Variants in CYP2C19 observed in about 807,000 individuals in gnomAD.
CYP2C19 encodes cytochrome P450 family 2 subfamily C member 19, also known as cytochrome P450 2C19.
CYP2C19 carries 59 observed loss-of-function variants against 40.9 expected under a neutral mutation model. The ratio of observed to expected loss-of-function variants is 1.44; its 90% CI spans 1.17 to 1.79. The LOEUF (loss-of-function observed/expected upper bound fraction) is 1.79, where lower values mean the gene tolerates loss of function less well. Among genes scored for constraint, CYP2C19 ranks in the 40% most tolerant of loss-of-function variants. The pLI is 0.00. For missense variants in CYP2C19, 754 were observed against 596.9 expected, an observed-to-expected ratio of 1.26 and a Z score of -2.74; for synonymous variants, 253 against 208.7, an observed-to-expected ratio of 1.21 and a Z score of -1.83.
chr10:94,816,712 A>C (rs925331449), intron 5 of CYP2C19, among the ~76,000 whole-genome samples: 2 of 140,112 alleles, frequency 1.4e-5, no homozygotes, highest in African/African-American at 2.6e-5. Flanking sequence ...ATATCTCCCA[A>C]TGCTATCCCT....
intron 6 of CYP2C19, among the ~76,000 whole-genome samples, chr10:94,829,418 C>T (rs1307118154): frequency 1.3e-5 from 2 of 152,206 alleles, no homozygotes; most frequent in Non-Finnish European, 1.5e-5. Flanking sequence ...TCTTCCATTG[C>T]TGATACCCTT....
At chr10:94,826,786 G>T (rs972897717) in intron 6 of CYP2C19, among the ~76,000 whole-genome samples, 2 of 152,142 alleles carry the variant, frequency 1.3e-5, no homozygotes, top group East Asian at 3.9e-4. Context: ...TATGATGTTG[G>T]CTGTGGGTTT....
chr10:94,843,343 G>A (rs996209851), intron 7 of CYP2C19, among the ~76,000 whole-genome samples: 1 of 152,160 alleles, frequency 6.6e-6, no homozygotes, highest in Non-Finnish European at 1.5e-5. Flanking sequence ...TTCTGTCAGG[G>A]TGACATTAAA....
At position 94,852,902 on chromosome 10, in the gene CYP2C19, C is replaced by T. The variant is rs1199869109; in HGVS notation, c.1461C>T (p.Phe487=). The T allele has an allele frequency of 6.2e-7, 1 of 1,613,994 alleles. No homozygotes were observed. Among genetic ancestry groups the T allele is most frequent in the Non-Finnish European group, 8.5e-7 (1 of 1,179,930 alleles). Residue 487 remains phenylalanine, a synonymous_variant, in exon 9 of 9, where the codon TTC becomes TTT. Coordinates refer to ENST00000371321, the MANE Select transcript of CYP2C19 (RefSeq NM_000769.4). The stretch of plus-strand genomic sequence containing the variant: ...TCCCGCCCTTCTATCAGCTGTGCTT[C>T]ATTCCTGTCTGAAGAAGCACAGATG... ...ASVPPFYQLC[F]IPV
intron 5 of CYP2C19, among the ~76,000 whole-genome samples, chr10:94,791,531 C>T (rs1390729846): frequency 6.6e-6 from 1 of 152,156 alleles, no homozygotes; most frequent in African/African-American, 2.4e-5. Flanking sequence ...CTACACACTG[C>T]TTTAAATGTG....
At chr10:94,825,825 G>A (rs1325535120) in intron 6 of CYP2C19, among the ~76,000 whole-genome samples, 7 of 142,954 alleles carry the variant, frequency 4.9e-5, no homozygotes, top group South Asian at 2.3e-4. Context: ...ATCTTGAATT[G>A]ATTTTTGTAT....
In CYP2C19 at chr10:94,818,371, G is replaced by A. The variant is rs558614944; in HGVS notation, c.820-2125G>A. Reference sequence around the variant, plus strand: ...TGGCTTAGGATTGACTTGATGATGCGGGCTCTTTTTTGGTTCCATATGAAC... The same window carrying A: ...TGGCTTAGGATTGACTTGATGATGCAGGCTCTTTTTTGGTTCCATATGAAC... On this transcript the variant is annotated intron_variant, in intron 5 of 8. Coordinates refer to ENST00000371321, the MANE Select transcript of CYP2C19 (RefSeq NM_000769.4). 1.6e-3 allele frequency among the ~76,000 whole-genome samples: 246 copies of A among 151,794 alleles called. 1 individual carries two copies. The highest frequency in any genetic ancestry group is 2.2e-3 in the Non-Finnish European group (149 of 67,972).
chr10:94,851,582 C>A (rs977589771), intron 8 of CYP2C19, among the ~76,000 whole-genome samples: 4 of 152,086 alleles, frequency 2.6e-5, no homozygotes, highest in African/African-American at 9.7e-5. Flanking sequence ...TGATAAATAA[C>A]AGAAATTTAT....
chr10:94,764,588 C>T (rs540720496), intron 1 of CYP2C19, among the ~76,000 whole-genome samples: 3 of 152,248 alleles, frequency 2.0e-5, no homozygotes, highest in African/African-American at 7.2e-5. Context: ...GCTGTAGCTA[C>T]TTCCTGCTGG....
In CYP2C19 at chr10:94,797,824, A is replaced by G. The variant is rs375511865; in HGVS notation, c.819+15827A>G. ...TGATTGTAGTTTGTATTTCTCTGTG[A>G]TTGGTGGTGATATCCCCTTTATCAT... On this transcript the variant is annotated intron_variant, in intron 5 of 8. Coordinates refer to ENST00000371321, the MANE Select transcript of CYP2C19 (RefSeq NM_000769.4). Among the ~76,000 whole-genome samples, 8 of 152,066 alleles carry G rather than the reference A, an allele frequency of 5.3e-5. No individual in the cohort carries two copies. The East Asian group carries it at 1.2e-3, about 22-fold the overall frequency.
intron 5 of CYP2C19, among the ~76,000 whole-genome samples, chr10:94,793,933 G>T (rs191326341): frequency 1.3e-5 from 2 of 152,106 alleles, no homozygotes. Flanking sequence ...GCTGCCTTTT[G>T]TTCAGCTATG....
chr10:94,775,287 G>C, intron 2 of CYP2C19, 67 bp downstream of exon 2: 1 of 1,612,844 alleles, frequency 6.2e-7, no homozygotes, highest in Non-Finnish European at 8.5e-7. Context: ...CAGACTAGCA[G>C]AGCTTCTCGG....
intron 6 of CYP2C19, among the ~76,000 whole-genome samples, chr10:94,833,513 A>G (rs1266777834): frequency 4.6e-5 from 7 of 152,070 alleles, no homozygotes; most frequent in African/African-American, 1.4e-4. Context: ...GGTTAGTTAC[A>G]TATGTATACA....
chr10:94,811,813 G>T (rs1219539299), intron 5 of CYP2C19, among the ~76,000 whole-genome samples: 2 of 151,694 alleles, frequency 1.3e-5, no homozygotes, highest in Non-Finnish European at 2.9e-5. Flanking sequence ...CACATTGATG[G>T]GTCTTGACTC....
At chr10:94,827,370 T>C (rs1195213132) in intron 6 of CYP2C19, among the ~76,000 whole-genome samples, 1 of 151,996 alleles carries the variant, frequency 6.6e-6, no homozygotes, top group Non-Finnish European at 1.5e-5. Flanking sequence ...GAGATTCAAC[T>C]TCTTCCTGGT....
At position 94,775,462 on chromosome 10, in the gene CYP2C19, G is replaced by A. The variant is rs760289518; in HGVS notation, c.404G>A (p.Gly135Glu). ...TCCCTCATGACGCTGCGGAATTTTG[G>A]GATGGGGAAGAGGAGCATTGAGGAC... ...RFSLMTLRNF[G>E]MGKRSIEDRV... is the part of the protein sequence containing the mutation. Residue 135 changes from glycine to glutamate, a missense_variant, in exon 3 of 9, where the codon GGG becomes GAG. Physicochemically the swap from Gly to Glu is moderately conservative, Grantham distance 98. Coordinates refer to ENST00000371321, the MANE Select transcript of CYP2C19 (RefSeq NM_000769.4). The A allele has an allele frequency of 1.2e-6, 2 of 1,614,058 alleles. No homozygotes were observed. The highest frequency in any genetic ancestry group is 1.7e-6 in the Non-Finnish European group (2 of 1,179,998).
intron 5 of CYP2C19, among the ~76,000 whole-genome samples, chr10:94,794,087 C>T (rs1384591977): frequency 6.6e-6 from 1 of 152,134 alleles, no homozygotes; most frequent in African/African-American, 2.4e-5. Flanking sequence ...GCCTTGCTGC[C>T]ACCTTGCATT....
chr10:94,792,554 G>T (rs776128399), intron 5 of CYP2C19, among the ~76,000 whole-genome samples: 4 of 152,118 alleles, frequency 2.6e-5, no homozygotes, highest in Non-Finnish European at 4.4e-5. Context: ...GCCTGGTGGT[G>T]ACAAAATTCT....
At chr10:94,772,235 G>C (rs987240771) in intron 1 of CYP2C19, among the ~76,000 whole-genome samples, 4 of 152,122 alleles carry the variant, frequency 2.6e-5, no homozygotes, top group Admixed American at 6.5e-5. Context: ...AATAGTTTTT[G>C]TTAGGCCTGC....
Sources: allele counts gnomAD v4.1 joint callset (sites outside exome capture counted in the v4.1 genomes callset), GRCh38; gene constraint gnomAD v4.1.1; transcripts MANE v1.5; gene names NCBI Gene and HGNC (gene_info 2026-07-23, HGNC 2026-07-21).